Variants in FBXL17 observed in about 807,000 individuals in gnomAD.
FBXL17 encodes F-box/LRR-repeat protein 17.
Under a neutral mutation model 66.2 loss-of-function variants are expected in FBXL17, and 22 were observed. That is an observed-to-expected ratio of 0.33 (90% CI 0.24 to 0.47). The LOEUF (loss-of-function observed/expected upper bound fraction) is 0.47. FBXL17 is among the 20% of genes least tolerant of loss of function. The probability of loss-of-function intolerance (pLI) is 1.00; values close to 1 mark genes in which losing one functional copy is unlikely to be tolerated. For missense variants in FBXL17, 878 were observed against 948.2 expected (o/e 0.93, Z 0.97); for synonymous variants, 474 against 400.5 (o/e 1.18, Z -2.19).
chr5:108,309,244 G>A (rs966836428), intron 4 of FBXL17, among the ~76,000 whole-genome samples: 2 of 151,972 alleles, frequency 1.3e-5, no homozygotes, highest in African/African-American at 4.8e-5. Flanking sequence ...CAAAATAACA[G>A]AGCATAGCCA....
chr5:108,349,637 T>C (rs1042541168), intron 3 of FBXL17, among the ~76,000 whole-genome samples: 2 of 151,946 alleles, frequency 1.3e-5, no homozygotes, highest in African/African-American at 4.8e-5. Flanking sequence ...TGGTGCCCGA[T>C]ATCTTACACT....
intron 6 of FBXL17, among the ~76,000 whole-genome samples, chr5:108,183,751 T>C (rs1277384341): frequency 1.3e-5 from 2 of 152,104 alleles, no homozygotes; most frequent in Non-Finnish European, 1.5e-5. Flanking sequence ...CCATGTCCAT[T>C]ATACCACTCT....
intron 6 of FBXL17, among the ~76,000 whole-genome samples, chr5:108,079,871 A>T (rs777720979): frequency 8.5e-5 from 13 of 152,226 alleles, no homozygotes; most frequent in Non-Finnish European, 1.5e-4. Flanking sequence ...TACTCTTTTG[A>T]AATGCACTGT....
In FBXL17 at chr5:107,940,097, T is replaced by C. The variant is rs182963059; in HGVS notation, c.1823-58918A>G. ...GGCCAAGAGTATTATTTCTACTTAA[T>C]AGATAATGAAATTGACACTAGAAAC... On this transcript the variant is annotated intron_variant, in intron 7 of 8. Coordinates refer to ENST00000542267, the MANE Select transcript of FBXL17 (RefSeq NM_001163315.3). 1.4e-3 allele frequency among the ~76,000 whole-genome samples: 207 copies of C among 152,222 alleles called. 1 individual carries two copies. Among genetic ancestry groups the C allele is most frequent in the African/African-American group, 4.5e-3 (186 of 41,540 alleles).
At chr5:108,074,461 A>C (rs936913286) in intron 6 of FBXL17, among the ~76,000 whole-genome samples, 2 of 152,052 alleles carry the variant, frequency 1.3e-5, no homozygotes, top group African/African-American at 4.8e-5. Flanking sequence ...TGCCCAAATA[A>C]CATTTTTAAA....
intron 4 of FBXL17, among the ~76,000 whole-genome samples, chr5:108,336,918 T>C (rs1367173132): frequency 1.3e-5 from 2 of 152,134 alleles, no homozygotes; most frequent in Admixed American, 6.5e-5. Flanking sequence ...AGTTACTGAC[T>C]TGTCTCATTT....
At chr5:108,099,175 AT>A (rs1016590576) in intron 6 of FBXL17, among the ~76,000 whole-genome samples, 1 of 152,334 alleles carries the variant, frequency 6.6e-6, no homozygotes, top group Non-Finnish European at 1.5e-5. Flanking sequence ...ATATAACTAC[AT>A]TTTTTTTAAA....
In FBXL17 at chr5:108,326,050, TAAAC is replaced by T. The variant is rs556217465; in HGVS notation, c.1506+22345_1506+22348del. Among the ~76,000 whole-genome samples the T allele has an allele frequency of 1.6e-3, 245 of 152,180 alleles. 2 individuals are homozygous for T. Among genetic ancestry groups the T allele is most frequent in the African/African-American group, 5.7e-3 (238 of 41,546 alleles). On this transcript the variant is annotated intron_variant, in intron 4 of 8. Transcript: ENST00000542267. The stretch of plus-strand genomic sequence containing the variant: ...TTTACACTTTAAGGGTGGAACATGA[TAAAC>T]AAACAATAACAGAGAAAAACAACTG...
At chr5:107,904,917 C>T in intron 7 of FBXL17, among the ~76,000 whole-genome samples, 1 of 152,042 alleles carries the variant, frequency 6.6e-6, no homozygotes, top group East Asian at 1.9e-4. Context: ...CTGGGTCCCT[C>T]ATTTCCAGGG....
At chr5:107,942,455 C>T (rs1056569959) in intron 7 of FBXL17, among the ~76,000 whole-genome samples, 1 of 152,166 alleles carries the variant, frequency 6.6e-6, no homozygotes, top group Admixed American at 6.5e-5. Context: ...CAAATAACTA[C>T]TGATGACACA....
At chr5:108,372,076 T>C (rs1361638585) in intron 1 of FBXL17, among the ~76,000 whole-genome samples, 2 of 152,328 alleles carry the variant, frequency 1.3e-5, no homozygotes, top group Non-Finnish European at 2.9e-5. Flanking sequence ...TCTGCACAGC[T>C]TCATGCTGTA....
intron 6 of FBXL17, among the ~76,000 whole-genome samples, chr5:108,090,235 A>G (rs1749138298): frequency 1.3e-5 from 2 of 152,242 alleles, no homozygotes; most frequent in African/African-American, 4.8e-5. Flanking sequence ...TTGACAAATT[A>G]TAGACATCTT....
chr5:108,146,402 T>C (rs1439936515), intron 6 of FBXL17, among the ~76,000 whole-genome samples: 6 of 152,102 alleles, frequency 3.9e-5, no homozygotes, highest in African/African-American at 1.4e-4. Context: ...TCTCTTTCAC[T>C]ATCACTATAG....
At chr5:108,339,767 C>A (rs1176650107) in intron 4 of FBXL17, among the ~76,000 whole-genome samples, 1 of 152,072 alleles carries the variant, frequency 6.6e-6, no homozygotes, top group African/African-American at 2.4e-5. Flanking sequence ...CTATTTTTAA[C>A]CATAACAAAT....
intron 4 of FBXL17, among the ~76,000 whole-genome samples, chr5:108,281,207 A>G (rs1054191808): frequency 6.6e-6 from 1 of 151,992 alleles, no homozygotes; most frequent in Non-Finnish European, 1.5e-5. Flanking sequence ...CCAACTGCAG[A>G]ATATACATTC....
chr5:108,153,134 C>G (rs1356921525), intron 6 of FBXL17, among the ~76,000 whole-genome samples: 2 of 152,160 alleles, frequency 1.3e-5, no homozygotes, highest in African/African-American at 2.4e-5. Flanking sequence ...GCCTCCCCAG[C>G]CATGTGGAAC....
intron 4 of FBXL17, among the ~76,000 whole-genome samples, chr5:108,316,191 G>A (rs1759353917): frequency 6.6e-6 from 1 of 151,224 alleles, no homozygotes; most frequent in Non-Finnish European, 1.5e-5. Flanking sequence ...ATCCATGCTT[G>A]CTTGCATGAC....
At chr5:108,189,655 G>T (rs929008481) in intron 5 of FBXL17, among the ~76,000 whole-genome samples, 1 of 152,158 alleles carries the variant, frequency 6.6e-6, no homozygotes, top group African/African-American at 2.4e-5. Flanking sequence ...AGATTTAGCA[G>T]CTATAATTAT....
rs577576411 is a variant in FBXL17, at chr5:108,085,365, T to C, written c.1746-64364A>G. On this transcript the variant is annotated intron_variant, in intron 6 of 8. Coordinates refer to ENST00000542267, the MANE Select transcript of FBXL17 (RefSeq NM_001163315.3). ...GCATTTTCCAAAAATCCATTTCACA[T>C]TGTTTGTTGGTGGCCTCCCCTCCCT... 1.6e-3 allele frequency among the ~76,000 whole-genome samples: 239 copies of C among 152,260 alleles called. 1 individual carries two copies. The highest frequency in any genetic ancestry group is 2.5e-3 in the Non-Finnish European group (171 of 68,018).
Sources: allele counts gnomAD v4.1 joint callset (sites outside exome capture counted in the v4.1 genomes callset), GRCh38; gene constraint gnomAD v4.1.1; transcripts MANE v1.5; gene names NCBI Gene and HGNC (gene_info 2026-07-23, HGNC 2026-07-21).